LAMA4: variants seen among roughly 807,000 people sequenced by gnomAD.
The protein encoded by LAMA4 is laminin subunit alpha 4.
LAMA4 carries 127 observed loss-of-function variants against 207.1 expected under a neutral mutation model. The ratio of observed to expected loss-of-function variants is 0.61; its 90% CI spans 0.53 to 0.71. The LOEUF (loss-of-function observed/expected upper bound fraction) is 0.71. Among genes scored for constraint, LAMA4 ranks in the 30% least tolerant of loss-of-function variants. LAMA4 has a pLI of 0.00. For synonymous variants in LAMA4, 761 were observed against 816.0 expected, an observed-to-expected ratio of 0.93 and a Z score of 1.15; for missense variants, 2,093 against 2,246.5, an observed-to-expected ratio of 0.93 and a Z score of 1.38.
rs1380891591 is a variant in LAMA4 at position 112,139,627 on chromosome 6, T to C, written c.3110+125A>G. 24 of 1,135,210 alleles carry C rather than the reference T, an allele frequency of 2.1e-5. No individual in the cohort carries two copies. In the Admixed American group the frequency reaches 3.7e-4, roughly 18 times the overall value. The allele number at this position is 1,135,210 out of a possible 1,614,324, so 70.3% of individuals were successfully genotyped here. The stretch of plus-strand genomic sequence containing the variant: ...GTGAAGAGTTTTTTGCAGGTATGAC[T>C]TATGTAGTTTCAAAACTGGCTTCCC... On this transcript the variant is annotated intron_variant, in intron 23 of 38. Transcript: ENST00000230538.
chr6:112,246,348 GT>G, intron 2 of LAMA4, among the ~76,000 whole-genome samples: 1 of 152,182 alleles, frequency 6.6e-6, no homozygotes, highest in South Asian at 2.1e-4. Context: ...ACCAATCAAA[GT>G]TCTCAAAATT....
chr6:112,164,801 C>T (rs1781288820), intron 13 of LAMA4, among the ~76,000 whole-genome samples: 1 of 152,184 alleles, frequency 6.6e-6, no homozygotes, highest in South Asian at 2.1e-4. Flanking sequence ...GCAGCATTTT[C>T]AATAGAACTC....
intron 24 of LAMA4, among the ~76,000 whole-genome samples, chr6:112,137,234 A>G (rs1779406214): frequency 6.6e-6 from 1 of 152,220 alleles, no homozygotes; most frequent in Non-Finnish European, 1.5e-5. Context: ...TGAAAAATAA[A>G]GCATTGTGGC....
intron 12 of LAMA4, among the ~76,000 whole-genome samples, chr6:112,170,164 T>A (rs1372707962): frequency 1.3e-5 from 2 of 152,220 alleles, no homozygotes; most frequent in Non-Finnish European, 1.5e-5. Context: ...ACTCACAATC[T>A]AAAATGAGAA....
chr6:112,210,752 T>C (rs1451104978), intron 3 of LAMA4, among the ~76,000 whole-genome samples: 3 of 152,188 alleles, frequency 2.0e-5, no homozygotes, highest in African/African-American at 7.2e-5. Context: ...ATCACACAGA[T>C]TGATGCAGAA....
intron 7 of LAMA4, 57 bp from the exon 8 acceptor site, chr6:112,187,658 G>C: frequency 1.3e-6 from 2 of 1,536,870 alleles, no homozygotes; most frequent in East Asian, 2.3e-5. Context: ...AAGGCAGGCC[G>C]TTTTAGCAGA....
intron 18 of LAMA4, among the ~76,000 whole-genome samples, chr6:112,147,315 T>C (rs1780088318): frequency 6.6e-6 from 1 of 152,186 alleles, no homozygotes; most frequent in African/African-American, 2.4e-5. Flanking sequence ...ACTTAAAAGA[T>C]CATTATAAAA....
chr6:112,189,262 C>T, intron 6 of LAMA4, 57 bp from the exon 7 acceptor site: 1 of 1,206,388 alleles, frequency 8.3e-7, no homozygotes, highest in East Asian at 2.4e-5. Context: ...TAAAATATGG[C>T]AATATTTTCC....
At chr6:112,112,110 C>G (rs1441686523) in intron 38 of LAMA4, among the ~76,000 whole-genome samples, 1 of 152,078 alleles carries the variant, frequency 6.6e-6, no homozygotes, top group Non-Finnish European at 1.5e-5. Flanking sequence ...TTCTTAGTTT[C>G]AACAATATTC....
intron 3 of LAMA4, among the ~76,000 whole-genome samples, chr6:112,215,724 G>A (rs1473138429): frequency 6.6e-6 from 1 of 152,152 alleles, no homozygotes; most frequent in Non-Finnish European, 1.5e-5. Context: ...TATGTAGCAA[G>A]TACTTTTCTG....
chr6:112,240,256 AT>A (rs1207219754), intron 2 of LAMA4, among the ~76,000 whole-genome samples: 3 of 151,494 alleles, frequency 2.0e-5, no homozygotes, highest in South Asian at 2.1e-4. Context: ...TAATCTTTGT[AT>A]TTTTTTTAAA....
At chr6:112,184,456 C>T (rs1286481954) in intron 9 of LAMA4, among the ~76,000 whole-genome samples, 1 of 152,130 alleles carries the variant, frequency 6.6e-6, no homozygotes, top group Admixed American at 6.5e-5. Flanking sequence ...GTTGAATAGC[C>T]TTTCACATTG....
intron 2 of LAMA4, chr6:112,219,207 A>G (rs1267063197): frequency 2.6e-5 from 4 of 152,226 alleles, no homozygotes; most frequent in Admixed American, 2.6e-4. Context: ...ATTTCCAAGT[A>G]TGAAAGTAGA....
intron 8 of LAMA4, among the ~76,000 whole-genome samples, chr6:112,185,850 T>C (rs1350087251): frequency 2.0e-5 from 3 of 152,186 alleles, no homozygotes; most frequent in Non-Finnish European, 4.4e-5. Flanking sequence ...CTGAGATTAC[T>C]TGGGAGTGAG....
intron 20 of LAMA4, 96 bp from the exon 21 acceptor site, chr6:112,141,599 A>T: frequency 1.0e-6 from 1 of 996,576 alleles, no homozygotes; most frequent in Non-Finnish European, 1.6e-6. Flanking sequence ...ATATTTGGGT[A>T]TATACAAGTG....
chr6:112,185,741 A>G (rs1369493874), intron 8 of LAMA4, among the ~76,000 whole-genome samples: 2 of 152,254 alleles, frequency 1.3e-5, no homozygotes, highest in Non-Finnish European at 2.9e-5. Context: ...AATGGAGTAT[A>G]GAAATTAACT....
intron 38 of LAMA4, among the ~76,000 whole-genome samples, chr6:112,113,805 CTGTG>C (rs1463901066): frequency 3.3e-5 from 5 of 152,066 alleles, no homozygotes; most frequent in African/African-American, 1.2e-4. Flanking sequence ...ATGTGTGTCA[CTGTG>C]TGTATGTGTG....
In LAMA4 at chr6:112,172,617, G is replaced by T. The variant is rs782734438; in HGVS notation, c.1545C>A (p.Asp515Glu). 6.2e-7 allele frequency: 1 copy of T among 1,612,646 alleles called. No individual in the cohort carries two copies. The highest frequency in any genetic ancestry group is 8.5e-7 in the Non-Finnish European group (1 of 1,179,972). The change falls in exon 12 of 39, where the codon GAC (aspartate) becomes GAA (glutamate). Residue 515 changes from aspartate (D) to glutamate (E), a missense_variant. Coordinates refer to ENST00000230538, the MANE Select transcript of LAMA4 (RefSeq NM_001105206.3). ...MNRATAARQR[D>E]HEKQQERVRE... ...TGGTGAGTGTCCGCTGTACCTCATG[G>T]TCCCGCTGCCTGGCTGCTGTGGCCC...
chr6:112,243,217 T>C (rs1357785865), intron 2 of LAMA4, among the ~76,000 whole-genome samples: 1 of 152,090 alleles, frequency 6.6e-6, no homozygotes, highest in Non-Finnish European at 1.5e-5. Flanking sequence ...TGTGGCTGGG[T>C]TGGTAACCTG....
Sources: gnomAD v4.1 joint callset for allele counts (sites outside exome capture counted in the v4.1 genomes callset) on GRCh38, gnomAD v4.1.1 for gene constraint, MANE v1.5 for transcripts, NCBI Gene and HGNC (gene_info 2026-07-23, HGNC 2026-07-21) for gene names.